The following VPS13B variants were observed in gnomAD, a reference collection of about 807,000 sequenced individuals.
The protein encoded by VPS13B is vacuolar protein sorting 13 homolog B, also known as intermembrane lipid transfer protein VPS13B.
In VPS13B, 285 loss-of-function variants were observed where a neutral mutation model predicts 426.4. The ratio of observed to expected loss-of-function variants is 0.67; its 90% CI spans 0.61 to 0.74. The LOEUF (loss-of-function observed/expected upper bound fraction) is 0.74, where lower values mean the gene tolerates loss of function less well. Among genes scored for constraint, VPS13B ranks in the 30% least tolerant of loss-of-function variants. The pLI, the probability that VPS13B is intolerant of heterozygous loss-of-function variation, is 0.00. For synonymous variants in VPS13B, 1,676 were observed against 1,676.4 expected, an observed-to-expected ratio of 1.00 and a Z score of 0.01; for missense variants, 4,537 against 4,782.6, an observed-to-expected ratio of 0.95 and a Z score of 1.51.
intron 35 of VPS13B, among the ~76,000 whole-genome samples, chr8:99,691,767 G>C (rs887796827): frequency 6.9e-6 from 1 of 145,910 alleles, no homozygotes; most frequent in Non-Finnish European, 1.5e-5. Flanking sequence ...AAAGAGTCAA[G>C]ACCCATCAGT....
At chr8:99,024,194 G>T (rs931472342) in intron 2 of VPS13B, among the ~76,000 whole-genome samples, 1 of 152,082 alleles carries the variant, frequency 6.6e-6, no homozygotes, top group Admixed American at 6.6e-5. Context: ...GGCCATTTAT[G>T]TGTCGCCTTT....
intron 19 of VPS13B, 150 bp from the exon 20 acceptor site, chr8:99,384,058 T>C (rs1813982617): frequency 7.2e-6 from 5 of 692,564 alleles, no homozygotes; most frequent in South Asian, 4.9e-5. Flanking sequence ...CTACCAGCAA[T>C]GTATCAGGGT....
chr8:99,281,877 G>A lies in VPS13B; in HGVS notation c.2824+6623G>A, dbSNP rs563120699. Among the ~76,000 whole-genome samples, 4 of 152,180 alleles carry A rather than the reference G, an allele frequency of 2.6e-5. No homozygotes were observed. The South Asian group carries it at 8.3e-4, about 32-fold the overall frequency. ...TGTTATTGACCCTGTCTTTGTATCT[G>A]AATGATCTAATCAATACATCTGTTT... On this transcript the variant is annotated intron_variant, in intron 19 of 61. Coordinates refer to ENST00000357162, the MANE Select transcript of VPS13B (RefSeq NM_152564.5).
chr8:99,597,062 T>C (rs1248148450), intron 33 of VPS13B, among the ~76,000 whole-genome samples: 2 of 152,080 alleles, frequency 1.3e-5, no homozygotes, highest in Non-Finnish European at 2.9e-5. Context: ...AATTGTTCAG[T>C]ACGTCTATAG....
At chr8:99,851,597 T>G (rs554372929) in intron 55 of VPS13B, among the ~76,000 whole-genome samples, 1 of 152,054 alleles carries the variant, frequency 6.6e-6, no homozygotes, top group African/African-American at 2.4e-5. Context: ...GGGTTAGTAA[T>G]GTGACTATCT....
At chr8:99,815,657 A>G (rs915996962) in intron 44 of VPS13B, among the ~76,000 whole-genome samples, 2 of 151,730 alleles carry the variant, frequency 1.3e-5, no homozygotes, top group South Asian at 2.1e-4. Flanking sequence ...TATACTGTGT[A>G]TGTGTGTGTG....
At chr8:99,067,404 A>T (rs1007558213) in intron 3 of VPS13B, among the ~76,000 whole-genome samples, 6 of 152,204 alleles carry the variant, frequency 3.9e-5, no homozygotes, top group African/African-American at 1.4e-4. Flanking sequence ...TAGAAAACCA[A>T]ACACCGCATG....
chr8:99,466,375 T>G (rs1348783707), intron 23 of VPS13B, among the ~76,000 whole-genome samples: 1 of 152,118 alleles, frequency 6.6e-6, no homozygotes, highest in African/African-American at 2.4e-5. Flanking sequence ...TTACTAAAAA[T>G]GATGTTCGTG....
At chr8:99,727,352 A>G (rs944314452) in intron 39 of VPS13B, among the ~76,000 whole-genome samples, 1 of 152,244 alleles carries the variant, frequency 6.6e-6, no homozygotes, top group Non-Finnish European at 1.5e-5. Context: ...CTTTAAGTCA[A>G]TAAAAAGACT....
chr8:99,462,252 AT>A (rs1176615596), intron 23 of VPS13B, among the ~76,000 whole-genome samples: 2 of 142,020 alleles, frequency 1.4e-5, no homozygotes, highest in African/African-American at 2.6e-5. Flanking sequence ...TAAACTCTTT[AT>A]TTTCTCCATG....
chr8:99,479,017 G>A (rs1322578420), intron 24 of VPS13B, among the ~76,000 whole-genome samples: 1 of 152,000 alleles, frequency 6.6e-6, no homozygotes, highest in African/African-American at 2.4e-5. Context: ...GTATATCCAT[G>A]TTTTTTCTTC....
intron 39 of VPS13B, among the ~76,000 whole-genome samples, chr8:99,728,052 G>C (rs1833424076): frequency 6.6e-6 from 1 of 152,176 alleles, no homozygotes; most frequent in South Asian, 2.1e-4. Context: ...CACTGGTTGA[G>C]CCAACATCAG....
Position 99,802,167 on chromosome 8 carries a change from A to G in VPS13B, c.7942-7208A>G, listed in dbSNP as rs368564093. 9.9e-5 allele frequency among the ~76,000 whole-genome samples: 15 copies of G among 151,380 alleles called. No homozygotes were observed. The East Asian group carries it at 2.5e-3, about 25-fold the overall frequency. ...CCAGTCTCAAATAAAAAAAAAAAAAACAAGCTGTGGCCCTAGGGAAAAAAG... is the reference window on the plus strand; with the variant it reads ...CCAGTCTCAAATAAAAAAAAAAAAAGCAAGCTGTGGCCCTAGGGAAAAAAG... On this transcript the variant is annotated intron_variant, in intron 43 of 61. Coordinates refer to ENST00000357162, the MANE Select transcript of VPS13B (RefSeq NM_152564.5).
intron 19 of VPS13B, chr8:99,346,241 C>T (rs527339046): frequency 1.3e-5 from 2 of 152,230 alleles, no homozygotes; most frequent in East Asian, 3.9e-4. Context: ...AGATTACACG[C>T]AGGGTAGATC....
chr8:99,739,893 G>A (rs1342363123), intron 39 of VPS13B, among the ~76,000 whole-genome samples: 1 of 152,148 alleles, frequency 6.6e-6, no homozygotes, highest in Non-Finnish European at 1.5e-5. Flanking sequence ...AGAAAAACTG[G>A]AAACTCTAAA....
At chr8:99,369,564 A>G (rs1175396924) in intron 19 of VPS13B, among the ~76,000 whole-genome samples, 1 of 152,116 alleles carries the variant, frequency 6.6e-6, no homozygotes. Context: ...GCTTACCTGG[A>G]GAGTTAGGGT....
At chr8:99,642,940 T>G (rs1325312417) in intron 34 of VPS13B, among the ~76,000 whole-genome samples, 2 of 152,222 alleles carry the variant, frequency 1.3e-5, no homozygotes, top group Non-Finnish European at 2.9e-5. Context: ...AGCATCGTAT[T>G]AAATGTAATT....
chr8:99,283,794 C>T (rs914622905), intron 19 of VPS13B, among the ~76,000 whole-genome samples: 14 of 152,084 alleles, frequency 9.2e-5, no homozygotes, highest in Non-Finnish European at 1.3e-4. Context: ...CTTTACCATA[C>T]GAACTAGTTG....
chr8:99,128,738 G>GA (rs764000741), intron 8 of VPS13B, among the ~76,000 whole-genome samples: 328 of 145,354 alleles, frequency 2.3e-3, no homozygotes, highest in Admixed American at 5.4e-3. Flanking sequence ...TGCAGCAGTG[G>GA]AAAAAAAAAA....
Sources: allele counts gnomAD v4.1 joint callset (sites outside exome capture counted in the v4.1 genomes callset), GRCh38; gene constraint gnomAD v4.1.1; transcripts MANE v1.5; gene names NCBI Gene and HGNC (gene_info 2026-07-23, HGNC 2026-07-21).